CLUH: variants seen among roughly 807,000 people sequenced by gnomAD.
CLUH encodes clustered mitochondria protein homolog.
CLUH carries 77 observed loss-of-function variants against 139.3 expected under a neutral mutation model. The ratio of observed to expected loss-of-function variants is 0.55; its 90% CI spans 0.46 to 0.67. The LOEUF (loss-of-function observed/expected upper bound fraction) is 0.67. CLUH is among the 30% of genes least tolerant of loss of function. The pLI is 0.00. For synonymous variants in CLUH, 999 were observed against 801.6 expected (o/e 1.25, Z -4.16); for missense variants, 1,876 against 1,875.8 (o/e 1.00, Z 0.00).
At chr17:2,691,517 C>A in intron 25 of CLUH, 92 bp downstream of exon 25, 1 of 1,291,286 alleles carries the variant, frequency 7.7e-7, no homozygotes, top group East Asian at 2.5e-5. Context: ...GCCGGGATGG[C>A]GCCGCCGCAC....
chr17:2,706,864 T>A lies in CLUH; in HGVS notation c.101-2300A>T, dbSNP rs1221150000. Among the ~76,000 whole-genome samples, 2 of 152,132 alleles carry A rather than the reference T, an allele frequency of 1.3e-5. No homozygotes were observed. The highest frequency in any genetic ancestry group is 1.3e-4 in the Admixed American group (2 of 15,272). On this transcript the variant is annotated intron_variant, in intron 1 of 25. Transcript: ENST00000651024. The surrounding 1 kb of genome is among the most constrained non-coding windows in gnomAD (Gnocchi z 4.6). ...TCCCAAAAGTGGGGAGTCAAATACC[T>A]AGACAGAGACAGCCTGTGTTCTTTC...
rs1485706917 is a variant in CLUH, at chr17:2,700,406, C to G, written c.1242G>C (p.Leu414=). ...ELPRKNLPER[L]LRERAIFKVH... Reference sequence around the variant, plus strand: ...CCTTGAATATGGCCCTTTCTCGGAGCAGCCGCTCAGGCAGGTTCTTGCGAG... The same window carrying G: ...CCTTGAATATGGCCCTTTCTCGGAGGAGCCGCTCAGGCAGGTTCTTGCGAG... Residue 414 remains leucine (L), a synonymous_variant, in exon 9 of 26, where the codon CTG becomes CTC. Transcript: ENST00000651024. 1.2e-6 allele frequency: 2 copies of G among 1,613,352 alleles called. 1 individual carries two copies. The highest frequency in any genetic ancestry group is 2.2e-5 in the South Asian group (2 of 90,934).
At chr17:2,693,782 C>A in intron 19 of CLUH, 118 bp downstream of exon 19, 1 of 1,333,186 alleles carries the variant, frequency 7.5e-7, no homozygotes. Flanking sequence ...GTGGCCTGGG[C>A]AGAACCAGCG....
intron 15 of CLUH, 34 bp from the exon 16 acceptor site, chr17:2,695,135 C>T (rs1420629771): frequency 1.9e-6 from 3 of 1,612,854 alleles, no homozygotes; most frequent in Admixed American, 1.7e-5. Context: ...TCATGAGGGC[C>T]CTCAGCCCCA....
intron 7 of CLUH, 144 bp from the exon 8 acceptor site, chr17:2,700,969 C>T: frequency 1.4e-6 from 2 of 1,427,524 alleles, no homozygotes; most frequent in Non-Finnish European, 1.9e-6. Context: ...GCACGGGCGC[C>T]TCTCCTGCGG....
chr17:2,694,573 G>A lies in CLUH; in HGVS notation c.2853-9C>T, dbSNP rs748635201. 9.6e-6 allele frequency: 15 copies of A among 1,566,732 alleles called. No homozygotes were observed. The African/African-American group carries it at 1.9e-4, about 20-fold the overall frequency. On this transcript the variant is annotated splice_polypyrimidine_tract_variant and intron_variant, in intron 16 of 25. Coordinates refer to ENST00000651024, the MANE Select transcript of CLUH (RefSeq NM_001366661.1). ...CCTGGTCCACGGTCTCACTGAGGAG[G>A]GAGCAGGGGGCCTGAGCAGCCCAAG... is the stretch of plus-strand genomic sequence containing the variant.
Position 2,701,366 on chromosome 17 carries a change from T to C in CLUH, c.899A>G (p.Gln300Arg), listed in dbSNP as rs1477249953. ...TASTRGFYLN[Q>R]STAYHFNPKP... ...GTGTGGTGGGCTGGCAGGGACTCACTGATTCAGGTAAAAGCCCCGTGTGGA... is the reference window on the plus strand; with the variant it reads ...GTGTGGTGGGCTGGCAGGGACTCACCGATTCAGGTAAAAGCCCCGTGTGGA... The change falls in exon 6 of 26, where the codon CAG (glutamine) becomes CGG (arginine). Residue 300 changes from glutamine to arginine, a missense_variant and splice_region_variant. By Grantham distance (43) the Gln-to-Arg change is conservative. Transcript: ENST00000651024. 5.0e-6 allele frequency: 8 copies of C among 1,606,472 alleles called. No homozygotes were observed. The highest frequency in any genetic ancestry group is 1.6e-4 in the Middle Eastern group (1 of 6,072).
At chr17:2,690,892 G>T in intron 25 of CLUH, 115 bp from the exon 26 acceptor site, 2 of 792,994 alleles carry the variant, frequency 2.5e-6, no homozygotes, top group Non-Finnish European at 3.6e-6. Context: ...AGTGGGGAAT[G>T]TGTGTGAACA....
intron 1 of CLUH, among the ~76,000 whole-genome samples, chr17:2,709,722 G>A (rs2070454618): frequency 6.6e-6 from 1 of 152,212 alleles, no homozygotes; most frequent in Admixed American, 6.5e-5. Flanking sequence ...GCCTTCCAGA[G>A]CTGGATCTCA....
Position 2,696,775 on chromosome 17 carries a change from C to G in CLUH, c.2129G>C (p.Ser710Thr). The change falls in exon 11 of 26, where the codon AGC becomes ACC. Residue 710 changes from serine (S) to threonine (T), a missense_variant. Ser to Thr is a moderately conservative substitution (Grantham distance 58). Transcript: ENST00000651024. ...AGSEEEGSSA[S>T]GLAKVKELAE... is the part of the protein sequence containing the mutation. The stretch of plus-strand genomic sequence containing the variant: ...CAGCTCCTTCACCTTGGCCAGGCCG[C>G]TGGCGCTGCTACCCTCCTCCTCACT... The G allele has an allele frequency of 6.2e-7, 1 of 1,612,912 alleles. No individual in the cohort carries two copies.
chr17:2,691,422 C>T, intron 25 of CLUH, 187 bp downstream of exon 25: 2 of 597,382 alleles, frequency 3.3e-6, no homozygotes, highest in Non-Finnish European at 3.0e-6. Flanking sequence ...ATGAGCCGGG[C>T]GAGGTGGCGG....
rs1597592850 is a variant in CLUH at position 2,691,524 on chromosome 17, G to A, written c.3863+85C>T. Reference sequence around the variant, plus strand: ...TGCAGTGAGCCGGGATGGCGCCGCCGCACTCCAGCCCGGGTGACAGGGCGA... The same window carrying A: ...TGCAGTGAGCCGGGATGGCGCCGCCACACTCCAGCCCGGGTGACAGGGCGA... On this transcript the variant is annotated intron_variant, in intron 25 of 25. Coordinates refer to ENST00000651024, the MANE Select transcript of CLUH (RefSeq NM_001366661.1). The A allele has an allele frequency of 7.3e-6, 10 of 1,369,088 alleles. No homozygotes were observed. The Admixed American group carries it at 1.2e-4, about 16-fold the overall frequency. The allele number at this position is 1,369,088 out of a possible 1,614,324, so 84.8% of individuals were successfully genotyped here. A position where few individuals can be genotyped will look rare whatever the true frequency, so the allele number is the denominator to read the frequency against.
In CLUH at chr17:2,711,566, C is replaced by G. The variant is rs556552420; in HGVS notation, c.96G>C (p.Ala32=). 4 of 979,342 alleles carry G rather than the reference C, an allele frequency of 4.1e-6. No individual in the cohort carries two copies. The allele number at this position is 979,342 out of a possible 1,614,324, so 60.7% of individuals were successfully genotyped here. The part of the protein sequence containing the change: ...SQAGGKGRPG[A]AELPSVMLLN... ...GCTGGCCCTGGCCCCGCTCACCGGC[C>G]GCGCCCGGCCGCCCCTTGCCCCCGG... is the stretch of plus-strand genomic sequence containing the variant. The change falls in exon 1 of 26, where the codon GCG becomes GCC. Residue 32 remains alanine, a synonymous_variant. Transcript: ENST00000651024.
chr17:2,693,646 G>A (rs1027210625), intron 19 of CLUH, among the ~76,000 whole-genome samples: 4 of 152,138 alleles, frequency 2.6e-5, no homozygotes, highest in African/African-American at 9.7e-5. Flanking sequence ...AGTCTCAGGA[G>A]GCGTCCTTGC....
rs1355376879 is a variant in CLUH at position 2,692,840 on chromosome 17, C to T, written c.3252G>A (p.Lys1084=). The change falls in exon 20 of 26, where the codon AAG becomes AAA. Residue 1084 remains lysine (K), a synonymous_variant. Coordinates refer to ENST00000651024, the MANE Select transcript of CLUH (RefSeq NM_001366661.1). ...DYAEALSNQQ[K]AVLMSERVMG... ...TCACCCGCTCGCTCATCAGCACCGC[C>T]TTCTGCTGGTTACTCAGGGCCTGGG... The T allele has an allele frequency of 1.2e-6, 2 of 1,601,416 alleles. No individual in the cohort carries two copies.
rs1390636043 is a variant in CLUH at position 2,697,929 on chromosome 17, C to T, written c.1928G>A (p.Arg643His). 5.2e-6 allele frequency: 8 copies of T among 1,536,646 alleles called. No individual in the cohort carries two copies. The South Asian group carries it at 6.0e-5, about 12-fold the overall frequency. The change falls in exon 10 of 26, where the codon CGC becomes CAC. Residue 643 changes from arginine (R) to histidine (H), a missense_variant. Physicochemically the swap from Arg to His is conservative, Grantham distance 29. Transcript: ENST00000651024. ...RAHRHKLCCL[R>H]QELVDAFVEH... ...CACGAAGGCGTCCACCAGCTCCTGG[C>T]GCAGGCAGCAGAGCTTGTGCCGGTG...
chr17:2,694,958 C>T lies in CLUH; in HGVS notation c.2751G>A (p.Pro917=), dbSNP rs757692331. Residue 917 remains proline (P), a synonymous_variant, in exon 16 of 26, where the codon CCG becomes CCA. Coordinates refer to ENST00000651024, the MANE Select transcript of CLUH (RefSeq NM_001366661.1). ...CCCAGGCTGTGTTATCTGCAGCCCC[C>T]GGGGGCCGGTTTTTCCTCCTCTTAT... ...KRNKRRKNRP[P]GAADNTAWAV... 2.1e-5 allele frequency: 34 copies of T among 1,612,206 alleles called. No individual in the cohort carries two copies. Among genetic ancestry groups the T allele is most frequent in the South Asian group, 1.3e-4 (12 of 90,812 alleles).
rs2070380514 is a variant in CLUH at position 2,707,397 on chromosome 17, C to T, written c.101-2833G>A. On this transcript the variant is annotated intron_variant, in intron 1 of 25. Coordinates refer to ENST00000651024, the MANE Select transcript of CLUH (RefSeq NM_001366661.1). The surrounding 1 kb of genome is among the most constrained non-coding windows in gnomAD (Gnocchi z 7.4). ...TGCCATGGCAGCCCCAGGAAGGGCA[C>T]ACTCCCCCTGCCTGGCATCCCGCTC... The T allele has an allele frequency of 1.0e-6, 1 of 985,406 alleles. No homozygotes were observed. The allele number at this position is 985,406 out of a possible 1,614,324, so 61.0% of individuals were successfully genotyped here. A position where few individuals can be genotyped will look rare whatever the true frequency, so the allele number is the denominator to read the frequency against.
Position 2,707,170 on chromosome 17 carries a change from C to T in CLUH, c.101-2606G>A. 1 of 985,230 alleles carries T rather than the reference C, an allele frequency of 1.0e-6. No individual in the cohort carries two copies. 61.0% of individuals were successfully genotyped at this position (985,230 alleles called of 1,614,324 possible). On this transcript the variant is annotated intron_variant, in intron 1 of 25. Coordinates refer to ENST00000651024, the MANE Select transcript of CLUH (RefSeq NM_001366661.1). The surrounding 1 kb of genome is among the most constrained non-coding windows in gnomAD (Gnocchi z 7.4). ...GGCTGGCTCACCAGGTCCCGGTGCT[C>T]ACCTGGTGCAGTTGGCAGCTGCCCT...
Sources: gnomAD v4.1 joint callset for allele counts (sites outside exome capture counted in the v4.1 genomes callset) on GRCh38, gnomAD v4.1.1 for gene constraint, Gnocchi (gnomAD v3.1) non-coding constraint, MANE v1.5 for transcripts, NCBI Gene and HGNC (gene_info 2026-07-23, HGNC 2026-07-21) for gene names.